The following ITPA variants were observed in gnomAD, a reference collection of about 807,000 sequenced individuals.
ITPA encodes the protein inosine triphosphatase.
A neutral mutation model predicts 29.6 loss-of-function variants in ITPA; 29 were observed. The ratio of observed to expected loss-of-function variants is 0.98; its 90% CI spans 0.73 to 1.34. The LOEUF (loss-of-function observed/expected upper bound fraction) is 1.34, where lower values mean the gene tolerates loss of function less well. ITPA is among the 40% of genes most tolerant of loss of function. The pLI is 0.00. For synonymous variants in ITPA, 103 were observed against 99.3 expected (o/e 1.04, Z -0.22); for missense variants, 241 against 251.5 (o/e 0.96, Z 0.28).
Position 3,218,607 on chromosome 20 carries a change from T to C in ITPA, c.386T>C (p.Val129Ala). Reference protein sequence around the residue: ...ALSTGDPSQPVRLFRGRTSGR... With the variant: ...ALSTGDPSQPARLFRGRTSGR... ...AGCACCGGGGACCCAAGCCAGCCCG[T>C]GCGCCTGTTCAGGGGCCGGACCTCG... Residue 129 changes from valine (V) to alanine (A), a missense_variant, in exon 6 of 8, where the codon GTG becomes GCG. Physicochemically the swap from Val to Ala is moderately conservative, Grantham distance 64. Transcript: ENST00000380113. 1 of 1,613,646 alleles carries C rather than the reference T, an allele frequency of 6.2e-7. No individual in the cohort carries two copies. The highest frequency in any genetic ancestry group is 8.5e-7 in the Non-Finnish European group (1 of 1,179,822).
chr20:3,221,094 G>A (rs1315885297), intron 6 of ITPA, among the ~76,000 whole-genome samples: 1 of 151,914 alleles, frequency 6.6e-6, no homozygotes, highest in Non-Finnish European at 1.5e-5. Context: ...CCTTTGCCAC[G>A]TGGCTCAGGC....
At chr20:3,206,503 C>T (rs2067071265), upstream of ITPA, among the ~76,000 whole-genome samples, 1 of 151,900 alleles carries the variant, frequency 6.6e-6, no homozygotes, top group Non-Finnish European at 1.5e-5. Context: ...TTGAGACCAG[C>T]CTGACCAACA....
chr20:3,222,973 A>C (rs1157512853), intron 7 of ITPA, among the ~76,000 whole-genome samples: 2 of 152,182 alleles, frequency 1.3e-5, no homozygotes, highest in African/African-American at 4.8e-5. Context: ...GCCCCTGGCC[A>C]GCTGTTCAAG....
chr20:3,213,543 C>A, intron 3 of ITPA, 160 bp downstream of exon 3: 1 of 809,246 alleles, frequency 1.2e-6, no homozygotes, highest in South Asian at 1.5e-5. Context: ...GGAACACTGC[C>A]TTCCTTTGCC....
At chr20:3,211,028 G>A (rs541453522) in intron 1 of ITPA, among the ~76,000 whole-genome samples, 1 of 150,830 alleles carries the variant, frequency 6.6e-6, no homozygotes, top group East Asian at 2.0e-4. Context: ...TCCAGCCTGG[G>A]TAAGAGTTGA....
At chr20:3,218,162 C>T (rs1376568667) in intron 5 of ITPA, among the ~76,000 whole-genome samples, 3 of 152,128 alleles carry the variant, frequency 2.0e-5, no homozygotes, top group Non-Finnish European at 4.4e-5. Flanking sequence ...TCATAATCTG[C>T]CCGACCCGGC....
chr20:3,217,970 T>A (rs149878339), intron 5 of ITPA, among the ~76,000 whole-genome samples: 1 of 151,154 alleles, frequency 6.6e-6, no homozygotes, highest in Non-Finnish European at 1.5e-5. Context: ...CAGGCTGGAG[T>A]GCAGTGGCCC....
chr20:3,210,994 T>C (rs2067157526), intron 1 of ITPA, among the ~76,000 whole-genome samples: 1 of 149,530 alleles, frequency 6.7e-6, no homozygotes, highest in Admixed American at 6.7e-5. Context: ...GAGGTTACAG[T>C]GAGCTGAGAT....
rs575707874 is a variant in ITPA at position 3,215,078 on chromosome 20, G to C, written c.264-203G>C. On this transcript the variant is annotated intron_variant, in intron 4 of 7. Transcript: ENST00000380113. The stretch of plus-strand genomic sequence containing the variant: ...GATAGGATTTTGCTACGTTGTCCAA[G>C]CTTTTCTCAAACTCCTGAGCTCAAG... 1,126 of 591,188 alleles carry C rather than the reference G, an allele frequency of 1.9e-3. 1 individual carries two copies. The highest frequency in any genetic ancestry group is 2.7e-3 in the Non-Finnish European group (881 of 327,548). The allele number at this position is 591,188 out of a possible 1,614,324, so 36.6% of individuals were successfully genotyped here. A position where few individuals can be genotyped will look rare whatever the true frequency, so the allele number is the denominator to read the frequency against.
chr20:3,214,678 C>T (rs1362678476), intron 4 of ITPA, among the ~76,000 whole-genome samples: 1 of 152,076 alleles, frequency 6.6e-6, no homozygotes, highest in Non-Finnish European at 1.5e-5. Flanking sequence ...CTCCCGGGTT[C>T]ACGCCATTCT....
At chr20:3,206,612 C>T (rs1362335526), upstream of ITPA, among the ~76,000 whole-genome samples, 5 of 151,636 alleles carry the variant, frequency 3.3e-5, no homozygotes, top group Non-Finnish European at 5.9e-5. Context: ...AGGCGGATCA[C>T]GAGGTCAGGA....
chr20:3,221,891 C>T lies in ITPA; in HGVS notation c.462C>T (p.Cys154=). ...GCCAGGACTTTGGCTGGGACCCCTG[C>T]TTTCAGCCTGATGGATATGAGCAGA... The part of the protein sequence containing the change: ...RGCQDFGWDP[C]FQPDGYEQTY... Residue 154 remains cysteine, a synonymous_variant, in exon 7 of 8, where the codon TGC becomes TGT. Coordinates refer to ENST00000380113, the MANE Select transcript of ITPA (RefSeq NM_033453.4). 1.9e-6 allele frequency: 3 copies of T among 1,614,084 alleles called. No individual in the cohort carries two copies. The highest frequency in any genetic ancestry group is 2.5e-6 in the Non-Finnish European group (3 of 1,180,032).
chr20:3,209,205 A>G (rs549749492), upstream of ITPA, among the ~76,000 whole-genome samples: 1 of 135,722 alleles, frequency 7.4e-6, no homozygotes, highest in East Asian at 2.4e-4. The surrounding 1 kb of genome is among the most constrained non-coding windows in gnomAD (Gnocchi z 4.6). Flanking sequence ...CCAGGGTCAC[A>G]GGGCTGCAGT....
chr20:3,209,407 C>G (rs1287570381), upstream of ITPA: 3 of 791,496 alleles, frequency 3.8e-6, no homozygotes, highest in East Asian at 2.7e-5. This position sits in a 1 kb window ranked among gnomAD's most constrained non-coding sequence, Gnocchi z 4.6. Context: ...CCCACTCGCC[C>G]GATACGCGCC....
At chr20:3,219,903 A>T (rs1382489955) in intron 6 of ITPA, among the ~76,000 whole-genome samples, 3 of 151,702 alleles carry the variant, frequency 2.0e-5, no homozygotes, top group African/African-American at 7.3e-5. Flanking sequence ...ATAGCCGGAC[A>T]TGGTGGTGCA....
chr20:3,223,721 T>C lies in ITPA; in HGVS notation c.*259T>C, dbSNP rs2067526787. On this transcript the variant is annotated 3_prime_UTR_variant, in exon 8 of 8. Transcript: ENST00000380113. ...CAGGCCTGGGGTCCTGAAAGGACCT[T>C]GGGTGGTAAAGCTGTACTTGGTGGG... 1 of 556,718 alleles carries C rather than the reference T, an allele frequency of 1.8e-6. No individual in the cohort carries two copies. The highest frequency in any genetic ancestry group is 3.1e-5 in the Admixed American group (1 of 32,680). 34.5% of individuals were successfully genotyped at this position (556,718 alleles called of 1,614,324 possible).
At chr20:3,218,126 G>C (rs1033739946) in intron 5 of ITPA, among the ~76,000 whole-genome samples, 2 of 151,338 alleles carry the variant, frequency 1.3e-5, no homozygotes, top group Non-Finnish European at 2.9e-5. Context: ...CACCGTGTTA[G>C]CCAGGATGGT....
At chr20:3,205,037 G>C (rs1230968403), upstream of ITPA, among the ~76,000 whole-genome samples, 3 of 151,920 alleles carry the variant, frequency 2.0e-5, no homozygotes, top group Non-Finnish European at 4.4e-5. Flanking sequence ...TTTTAGTAGA[G>C]ATGGGGGTTT....
chr20:3,209,268 G>T (rs1443868641), upstream of ITPA: 1 of 507,104 alleles, frequency 2.0e-6, no homozygotes, highest in Admixed American at 3.2e-5. This position sits in a 1 kb window ranked among gnomAD's most constrained non-coding sequence, Gnocchi z 4.6. Flanking sequence ...GGGGCGGGGT[G>T]GGGGTGGGAG....
Sources: allele counts gnomAD v4.1 joint callset (sites outside exome capture counted in the v4.1 genomes callset), GRCh38; gene constraint gnomAD v4.1.1; non-coding constraint Gnocchi (gnomAD v3.1); transcripts MANE v1.5; gene names NCBI Gene and HGNC (gene_info 2026-07-23, HGNC 2026-07-21).